Variants in PEX1 observed in about 807,000 individuals in gnomAD.
PEX1 encodes peroxisomal ATPase PEX1.
In PEX1, 97 loss-of-function variants were observed where a neutral mutation model predicts 152.5. That is an observed-to-expected ratio of 0.64 (90% confidence interval 0.54 to 0.75). PEX1 has a LOEUF of 0.75. Ranked by LOEUF, PEX1 falls within the 30% of genes least tolerant of loss-of-function variation. PEX1 has a pLI of 0.00. For synonymous variants in PEX1, 485 were observed against 531.6 expected, an observed-to-expected ratio of 0.91 and a Z score of 1.21; for missense variants, 1,357 against 1,516.3, an observed-to-expected ratio of 0.89 and a Z score of 1.74.
At position 92,496,781 on chromosome 7, in the gene PEX1, T is replaced by G. The variant is rs762436079; in HGVS notation, c.2719-4A>C. 6.3e-7 allele frequency: 1 copy of G among 1,585,758 alleles called. No individual in the cohort carries two copies. On this transcript the variant is annotated splice_polypyrimidine_tract_variant and splice_region_variant and intron_variant, in intron 16 of 23. Coordinates refer to ENST00000248633, the MANE Select transcript of PEX1 (RefSeq NM_000466.3). The stretch of plus-strand genomic sequence containing the variant: ...ATTTGCTGAGTAACTCTGGCCCCTA[T>G]TGGGTAAAATAAGAGTTGAGATAAA...
intron 5 of PEX1, among the ~76,000 whole-genome samples, chr7:92,516,620 A>T (rs1289908439): frequency 6.6e-6 from 1 of 152,124 alleles, no homozygotes; most frequent in Admixed American, 6.5e-5. Context: ...CTTACTTTAC[A>T]GTGGTTCAAA....
intron 5 of PEX1, among the ~76,000 whole-genome samples, chr7:92,516,189 G>T (rs1015001126): frequency 6.6e-6 from 1 of 151,932 alleles, no homozygotes; most frequent in East Asian, 1.9e-4. Context: ...ACTTTGGGAG[G>T]CCGAGGCAGG....
In PEX1 at chr7:92,489,911, T is replaced by G; in HGVS notation, c.3439A>C (p.Ser1147Arg). ...ELGNGTSSDLSSQCLSAPSSM... is the reference protein window; with the variant it reads ...ELGNGTSSDLRSQCLSAPSSM... ...CTTGGTGCAGAGAGACATTGTGAGC[T>G]CTGCATGGTAAATTGTAGTAATGAA... The change falls in exon 22 of 24, where the codon AGC (serine) becomes CGC (arginine). Residue 1147 changes from serine (S) to arginine (R), a missense_variant and splice_region_variant. By Grantham distance (110) the Ser-to-Arg change is moderately radical. Coordinates refer to ENST00000248633, the MANE Select transcript of PEX1 (RefSeq NM_000466.3). 1 of 1,612,910 alleles carries G rather than the reference T, an allele frequency of 6.2e-7. No individual in the cohort carries two copies. The highest frequency in any genetic ancestry group is 1.1e-5 in the South Asian group (1 of 91,016).
Position 92,493,058 on chromosome 7 carries a change from A to C in PEX1, c.3102T>G (p.His1034Gln). The stretch of plus-strand genomic sequence containing the variant: ...TAAAGGAGTCAGTTACTGATGCTAC[A>C]TGCTGAAGGTCAACATCATCTGCCA... Reference protein sequence around the residue: ...LPLADDVDLQHVASVTDSFTG... With the variant: ...LPLADDVDLQQVASVTDSFTG... Residue 1034 changes from histidine to glutamine, a missense_variant, in exon 20 of 24, where the codon CAT becomes CAG. Coordinates refer to ENST00000248633, the MANE Select transcript of PEX1 (RefSeq NM_000466.3). 9 of 1,612,354 alleles carry C rather than the reference A, an allele frequency of 5.6e-6. No individual in the cohort carries two copies. The highest frequency in any genetic ancestry group is 6.8e-6 in the Non-Finnish European group (8 of 1,178,360).
intron 20 of PEX1, 64 bp from the exon 21 acceptor site, chr7:92,491,566 A>G: frequency 1.2e-5 from 11 of 927,108 alleles, no homozygotes; most frequent in African/African-American, 1.6e-5. Context: ...GAAATAAATA[A>G]TAACATAGAT....
rs267608179 is a variant in PEX1 at position 92,494,486 on chromosome 7, C to T, written c.2926+1G>A. 2.8e-5 allele frequency: 45 copies of T among 1,613,240 alleles called. No individual in the cohort carries two copies. The highest frequency in any genetic ancestry group is 3.2e-5 in the Non-Finnish European group (38 of 1,179,414). Reference sequence around the variant, plus strand: ...TCTATTTCTGTATTTATAATTATTACCCTGTAAGCCTTCTACTCCATCCAA... The same window carrying T: ...TCTATTTCTGTATTTATAATTATTATCCTGTAAGCCTTCTACTCCATCCAA... On this transcript the variant is annotated splice_donor_variant, in intron 18 of 23. Coordinates refer to ENST00000248633, the MANE Select transcript of PEX1 (RefSeq NM_000466.3). LOFTEE classifies it high-confidence loss of function.
rs1211163971 is a variant in PEX1, at chr7:92,503,117, G to A, written c.2150C>T (p.Ser717Phe). 1 of 1,613,468 alleles carries A rather than the reference G, an allele frequency of 6.2e-7. No individual in the cohort carries two copies. Among genetic ancestry groups the A allele is most frequent in the African/African-American group, 1.3e-5 (1 of 74,916 alleles). ...ALIATSQSQQ[S>F]LHPLLVSAQG... ...AGCAGAAACAAGTAAAGGATGTAGA[G>A]ATTGCTGAGACTGACTTGTGGCAAT... is the stretch of plus-strand genomic sequence containing the variant. The change falls in exon 13 of 24, where the codon TCT (serine) becomes TTT (phenylalanine). Residue 717 changes from serine (S) to phenylalanine (F), a missense_variant. Transcript: ENST00000248633.
At position 92,513,953 on chromosome 7, in the gene PEX1, C is replaced by G; in HGVS notation, c.1254G>C (p.Leu418=). ...HLGKVWIPDD[L]RKRLNIEMHA... is the part of the protein sequence containing the mutation. ...GCATTTCTATATTTAGTCTCTTCCT[C>G]AGGTCATCTGGAATCTGAAATTTAA... The change falls in exon 6 of 24, where the codon CTG becomes CTC. Residue 418 remains leucine (L), a synonymous_variant. Coordinates refer to ENST00000248633, the MANE Select transcript of PEX1 (RefSeq NM_000466.3). 1 of 1,573,722 alleles carries G rather than the reference C, an allele frequency of 6.4e-7. No homozygotes were observed. The highest frequency in any genetic ancestry group is 8.7e-7 in the Non-Finnish European group (1 of 1,146,730).
At chr7:92,526,424 A>G (rs1793271335) in intron 1 of PEX1, among the ~76,000 whole-genome samples, 1 of 152,166 alleles carries the variant, frequency 6.6e-6, no homozygotes, top group Admixed American at 6.5e-5. Flanking sequence ...CTTCACCCCA[A>G]ATAAAGTAAT....
rs1791177707 is a variant in PEX1 at position 92,489,772 on chromosome 7, CT to C, written c.3577del (p.Arg1193GlufsTer4). 1 of 1,613,992 alleles carries C rather than the reference CT, an allele frequency of 6.2e-7. No individual in the cohort carries two copies. The highest frequency in any genetic ancestry group is 1.1e-5 in the South Asian group (1 of 91,092). On this transcript the variant is annotated frameshift_variant, in exon 22 of 24. Coordinates refer to ENST00000248633, the MANE Select transcript of PEX1 (RefSeq NM_000466.3). LOFTEE classifies it high-confidence loss of function. ...ACTGATATCTGCCCTCAGTTGATCT[CT>C]TTGTTCTTGTGTAAGTTCTTGGCAA... ...EGCQELTQEQRDQLRADISII... is the reference protein window; with the variant it reads ...EGCQELTQEQXDQLRADISII...
In PEX1 at chr7:92,511,010, C is replaced by G. The variant is rs112822975; in HGVS notation, c.1521G>C (p.Trp507Cys). 2,111 of 1,582,928 alleles carry G rather than the reference C, an allele frequency of 1.3e-3. 28 individuals are homozygous for G. In the African/African-American group the frequency reaches 0.026, roughly 19 times the overall value. Residue 507 changes from tryptophan (W) to cysteine (C), a missense_variant, in exon 8 of 24, where the codon TGG becomes TGC. Trp to Cys is a radical substitution (Grantham distance 215, BLOSUM62 -2). Transcript: ENST00000248633. ...KEFSLSIVHS[W>C]EKEKDKNIFL... ...AAATATTTTTATCTTTTTCTTTTTC[C>G]CAAGAATGAACTATACTCAGAGAAA...
rs750544582 is a variant in PEX1, at chr7:92,504,938, T to C, written c.1901-36A>G. The C allele has an allele frequency of 2.7e-6, 4 of 1,500,604 alleles. No individual in the cohort carries two copies. The South Asian group carries it at 3.4e-5, about 13-fold the overall frequency. 93.0% of individuals were successfully genotyped at this position (1,500,604 alleles called of 1,614,324 possible). A position where few individuals can be genotyped will look rare whatever the true frequency, so the allele number is the denominator to read the frequency against. On this transcript the variant is annotated intron_variant, in intron 11 of 23. Transcript: ENST00000248633. ...AAGATATGAAATGGTTTCAGTATCA[T>C]TTCAGTGCTGGGAAAATTCAGGTTG... is the stretch of plus-strand genomic sequence containing the variant.
intron 23 of PEX1, among the ~76,000 whole-genome samples, chr7:92,488,226 G>A (rs1012677948): frequency 2.0e-5 from 3 of 152,172 alleles, no homozygotes; most frequent in Admixed American, 2.0e-4. Context: ...TACCATAATA[G>A]GAAAACATAT....
intron 6 of PEX1, among the ~76,000 whole-genome samples, chr7:92,512,380 A>G (rs1481402232): frequency 6.6e-6 from 1 of 152,140 alleles, no homozygotes; most frequent in African/African-American, 2.4e-5. Context: ...GTGCAGTGGC[A>G]CAATCATAGC....
At chr7:92,523,344 C>G (rs2116273829) in intron 1 of PEX1, among the ~76,000 whole-genome samples, 1 of 150,646 alleles carries the variant, frequency 6.6e-6, no homozygotes, top group Middle Eastern at 3.4e-3. Flanking sequence ...TTTTTTGAGA[C>G]AGGATTTTGC....
At chr7:92,498,573 A>G (rs963683093) in intron 16 of PEX1, among the ~76,000 whole-genome samples, 2 of 152,200 alleles carry the variant, frequency 1.3e-5, no homozygotes, top group African/African-American at 2.4e-5. Context: ...ATAATACACG[A>G]TTCCTTTGTC....
chr7:92,488,657 A>C (rs1281774645), intron 23 of PEX1, among the ~76,000 whole-genome samples: 2 of 152,232 alleles, frequency 1.3e-5, no homozygotes, highest in East Asian at 3.8e-4. Flanking sequence ...TTTTATAACA[A>C]AATTTTATAA....
At chr7:92,518,321 A>C (rs1792900003) in intron 3 of PEX1, 66 bp from the exon 4 acceptor site, 1 of 1,022,862 alleles carries the variant, frequency 9.8e-7, no homozygotes, top group South Asian at 1.3e-5. Context: ...TAGTTAAAAA[A>C]AATCTCAATT....
chr7:92,490,188 C>A, intron 21 of PEX1: 1 of 431,422 alleles, frequency 2.3e-6, no homozygotes, highest in East Asian at 4.5e-5. Flanking sequence ...CACTAATGCC[C>A]AAGGACAGGT....
Sources: allele counts gnomAD v4.1 joint callset (sites outside exome capture counted in the v4.1 genomes callset), GRCh38; gene constraint gnomAD v4.1.1; transcripts MANE v1.5; gene names NCBI Gene and HGNC (gene_info 2026-07-23, HGNC 2026-07-21).